IQANK1: variants seen among roughly 807,000 people sequenced by gnomAD.
IQANK1 encodes IQ motif and ankyrin repeat containing 1.
A neutral mutation model predicts 22.6 loss-of-function variants in IQANK1; 30 were observed. That is an observed-to-expected ratio of 1.33 (90% confidence interval 0.99 to 1.80). IQANK1 has a LOEUF of 1.80. Ranked by LOEUF, IQANK1 falls within the 40% of genes most tolerant of loss-of-function variation. IQANK1 has a pLI of 0.00. For synonymous variants in IQANK1, 122 were observed against 99.6 expected (o/e 1.23, Z -1.34); for missense variants, 275 against 235.2 (o/e 1.17, Z -1.11).
At chr8:143,750,257 C>T (rs1329379980) in intron 3 of IQANK1, among the ~76,000 whole-genome samples, 1 of 152,274 alleles carries the variant, frequency 6.6e-6, no homozygotes, top group African/African-American at 2.4e-5. Flanking sequence ...CTCAGCCTCC[C>T]AAAGTGCTGA....
chr8:143,744,079 G>A (rs782470886), intron 3 of IQANK1: 18 of 241,932 alleles, frequency 7.4e-5, no homozygotes, highest in East Asian at 1.5e-4. Flanking sequence ...TGATCCGCCC[G>A]TCTCAGCCTC....
At chr8:143,748,076 C>G (rs1212646831) in intron 3 of IQANK1, among the ~76,000 whole-genome samples, 1 of 151,734 alleles carries the variant, frequency 6.6e-6, no homozygotes, top group Non-Finnish European at 1.5e-5. Context: ...CTCACTGCAA[C>G]CTCTGCCTCC....
chr8:143,790,527 C>T lies in IQANK1; in HGVS notation c.1602C>T (p.Val534=). 1 of 401,570 alleles carries T rather than the reference C, an allele frequency of 2.5e-6. No individual in the cohort carries two copies. 24.9% of individuals were successfully genotyped at this position (401,570 alleles called of 1,614,324 possible). The change falls in exon 14 of 14, where the codon GTC becomes GTT. Residue 534 remains valine (V), a synonymous_variant. Coordinates refer to ENST00000527139, the MANE Select transcript of IQANK1 (RefSeq NM_001381874.1). ...TGGAGCACTTCCGCCTCTTTTTCGT[C>T]ACCAAGGTCCAGTGGCCGCCAGCTG... ...QRLEHFRLFF[V]TKVQWPPAEQ...
chr8:143,748,726 TC>T (rs1307609320), intron 3 of IQANK1, among the ~76,000 whole-genome samples: 5 of 97,002 alleles, frequency 5.2e-5, no homozygotes, highest in African/African-American at 3.5e-4. Flanking sequence ...ATCATATATA[TC>T]ATATATAAAT....
intron 3 of IQANK1, among the ~76,000 whole-genome samples, chr8:143,769,186 A>G (rs1419850601): frequency 6.6e-6 from 1 of 151,948 alleles, no homozygotes; most frequent in African/African-American, 2.4e-5. Flanking sequence ...CAGCCTCCTG[A>G]GTAACCGGGA....
At chr8:143,750,776 T>C (rs1554627924) in intron 3 of IQANK1, among the ~76,000 whole-genome samples, 1 of 152,090 alleles carries the variant, frequency 6.6e-6, no homozygotes, top group East Asian at 1.9e-4. Context: ...ATTGCACCAC[T>C]GCACTCCAGC....
At chr8:143,769,155 G>C (rs1327914532) in intron 3 of IQANK1, among the ~76,000 whole-genome samples, 1 of 151,832 alleles carries the variant, frequency 6.6e-6, no homozygotes. Flanking sequence ...ATTGACCTGG[G>C]CTCAAGCCAT....
At chr8:143,754,293 A>G (rs1819247971) in intron 3 of IQANK1, among the ~76,000 whole-genome samples, 2 of 152,252 alleles carry the variant, frequency 1.3e-5, no homozygotes, top group African/African-American at 2.4e-5. Flanking sequence ...CTTCGTGACT[A>G]TGTTATCATT....
At chr8:143,748,638 AAT>A (rs1159703709) in intron 3 of IQANK1, among the ~76,000 whole-genome samples, 2 of 113,336 alleles carry the variant, frequency 1.8e-5, no homozygotes, top group African/African-American at 8.8e-5. Flanking sequence ...ATCATATATA[AAT>A]ATATAAATAT....
intron 3 of IQANK1, among the ~76,000 whole-genome samples, chr8:143,764,097 C>G (rs1023874189): frequency 3.4e-5 from 5 of 146,110 alleles, no homozygotes; most frequent in African/African-American, 1.4e-4. Context: ...CTGATACTCT[C>G]AGCAGTCACA....
At chr8:143,751,200 C>T (rs1328243319) in intron 3 of IQANK1, among the ~76,000 whole-genome samples, 1 of 152,114 alleles carries the variant, frequency 6.6e-6, no homozygotes, top group African/African-American at 2.4e-5. Context: ...ACATTGTGTA[C>T]TCCAAAACAT....
chr8:143,788,228 G>A lies in IQANK1; in HGVS notation c.790-687G>A, dbSNP rs569089612. 7.2e-5 allele frequency among the ~76,000 whole-genome samples: 11 copies of A among 152,344 alleles called. 1 individual carries two copies. The South Asian group carries it at 1.7e-3, about 23-fold the overall frequency. On this transcript the variant is annotated intron_variant, in intron 7 of 13. Transcript: ENST00000527139. ...CAGCTTCCTGGTCAAGCGTGATGCC[G>A]GGACTGGCCCGCCACCAGGCGCATG... is the stretch of plus-strand genomic sequence containing the variant.
At chr8:143,749,036 A>G (rs1317831672) in intron 3 of IQANK1, among the ~76,000 whole-genome samples, 1 of 121,786 alleles carries the variant, frequency 8.2e-6, no homozygotes, top group Non-Finnish European at 1.6e-5. Context: ...AAAAATATAA[A>G]TATATATCAT....
chr8:143,780,790 C>G (rs13264809), intron 7 of IQANK1, among the ~76,000 whole-genome samples: 87,241 of 152,070 alleles, frequency 0.57, 30,461 homozygotes, highest in Non-Finnish European at 0.77. Flanking sequence ...TCAACATATG[C>G]GTGCATGTGT....
chr8:143,749,524 TCA>T (rs1348441582), intron 3 of IQANK1, among the ~76,000 whole-genome samples: 4 of 133,580 alleles, frequency 3.0e-5, no homozygotes, highest in South Asian at 2.3e-4. Context: ...AAAATATATA[TCA>T]CATAAAAATA....
chr8:143,742,583 A>G, intron 3 of IQANK1: 1 of 456,080 alleles, frequency 2.2e-6, no homozygotes, highest in Non-Finnish European at 4.4e-6. Context: ...TGTGATGTGG[A>G]GCTGGGAAAC....
chr8:143,764,438 G>C, intron 3 of IQANK1, among the ~76,000 whole-genome samples: 1 of 134,684 alleles, frequency 7.4e-6, no homozygotes, highest in Non-Finnish European at 1.6e-5. Context: ...AACATGGTGA[G>C]ACTCCGTCGC....
At chr8:143,766,480 G>T (rs1819482832) in intron 3 of IQANK1, among the ~76,000 whole-genome samples, 1 of 151,998 alleles carries the variant, frequency 6.6e-6, no homozygotes, top group African/African-American at 2.4e-5. Context: ...AGACCAGCCT[G>T]GCCAACATGG....
At chr8:143,747,995 T>C (rs868930908) in intron 3 of IQANK1, among the ~76,000 whole-genome samples, 1,719 of 90,020 alleles carry the variant, frequency 0.019, 71 homozygotes, top group African/African-American at 0.06. Context: ...CTTTCCTTTC[T>C]TTTCCTTTCT....
Sources: allele counts gnomAD v4.1 joint callset (sites outside exome capture counted in the v4.1 genomes callset), GRCh38; gene constraint gnomAD v4.1.1; transcripts MANE v1.5; gene names NCBI Gene and HGNC (gene_info 2026-07-23, HGNC 2026-07-21).